The following BRAF variants were observed in gnomAD, a reference collection of about 807,000 sequenced individuals.
The protein encoded by BRAF is serine/threonine-protein kinase B-raf.
A neutral mutation model predicts 104.6 loss-of-function variants in BRAF; 16 were observed. The observed-to-expected ratio is 0.15, with a 90% confidence interval of 0.10 to 0.23. The LOEUF (loss-of-function observed/expected upper bound fraction) is 0.23. BRAF is among the 10% of genes least tolerant of loss of function. The probability of loss-of-function intolerance (pLI) is 1.00; values close to 1 mark genes in which losing one functional copy is unlikely to be tolerated. For missense variants in BRAF, 541 were observed against 937.3 expected (o/e 0.58, Z 5.52); for synonymous variants, 310 against 341.6 (o/e 0.91, Z 1.02).
chr7:140,769,770 G>A (rs951670348), intron 14 of BRAF, among the ~76,000 whole-genome samples: 1 of 151,690 alleles, frequency 6.6e-6, no homozygotes, highest in Non-Finnish European at 1.5e-5. Context: ...AGTCAGGGTC[G>A]CACAGTGTCA....
intron 1 of BRAF, among the ~76,000 whole-genome samples, chr7:140,895,796 T>C (rs1242316920): frequency 6.6e-6 from 1 of 152,240 alleles, no homozygotes; most frequent in Admixed American, 6.5e-5. Flanking sequence ...CATCGGATGC[T>C]ATACAACCAC....
chr7:140,734,776 AAAAAAAAAAGAAAAAAAAAAG>A lies in BRAF; in HGVS notation c.2248-27_2248-7del, dbSNP rs754390169. On this transcript the variant is annotated splice_region_variant and splice_polypyrimidine_tract_variant and intron_variant, in intron 18 of 19. Coordinates refer to ENST00000644969, the MANE Select transcript of BRAF (RefSeq NM_001374258.1). ...AGCTCAATAGAGGCGAGAATCTACA[AAAAAAAAAAGAAAAAAAAAAG>A]AAAAAAAAAGAAAAAAGAAAAAAAA... is the stretch of plus-strand genomic sequence containing the variant. 2.0e-6 allele frequency: 3 copies of A among 1,478,624 alleles called. No homozygotes were observed. Among genetic ancestry groups the A allele is most frequent in the Non-Finnish European group, 2.7e-6 (3 of 1,121,410 alleles). The allele number at this position is 1,478,624 out of a possible 1,614,324, so 91.6% of individuals were successfully genotyped here. A position where few individuals can be genotyped will look rare whatever the true frequency, so the allele number is the denominator to read the frequency against.
chr7:140,739,976 C>T (rs1796773098), intron 17 of BRAF, 30 bp from the exon 17 acceptor site: 3 of 1,606,736 alleles, frequency 1.9e-6, no homozygotes, highest in Non-Finnish European at 2.6e-6. Context: ...GGAAATAATT[C>T]AACCTTGTAG....
At chr7:140,844,799 G>T (rs1303720837) in intron 2 of BRAF, among the ~76,000 whole-genome samples, 1 of 152,044 alleles carries the variant, frequency 6.6e-6, no homozygotes, top group Non-Finnish European at 1.5e-5. Flanking sequence ...GCAGGTGCCT[G>T]TAATCCCAGC....
At chr7:140,767,079 C>T (rs1053043957) in intron 14 of BRAF, among the ~76,000 whole-genome samples, 3 of 152,148 alleles carry the variant, frequency 2.0e-5, no homozygotes, top group African/African-American at 7.2e-5. Flanking sequence ...TCTTGACTCT[C>T]TGCAGCCTCA....
intron 16 of BRAF, among the ~76,000 whole-genome samples, chr7:140,750,884 C>A (rs1002181826): frequency 6.6e-6 from 1 of 152,038 alleles, no homozygotes; most frequent in Non-Finnish European, 1.5e-5. Context: ...CATGACGAAT[C>A]TTCAATTTAG....
chr7:140,892,811 T>C (rs567792071), intron 1 of BRAF, among the ~76,000 whole-genome samples: 1 of 152,202 alleles, frequency 6.6e-6, no homozygotes, highest in African/African-American at 2.4e-5. Context: ...AACAAAACAA[T>C]ACATCAGATC....
Position 140,779,571 on chromosome 7 carries a change from G to A in BRAF, c.1553-1496C>T, listed in dbSNP as rs578190272. On this transcript the variant is annotated intron_variant, in intron 12 of 19. Transcript: ENST00000644969. ...AAATCCTCCAATAAGCATTTCCTTTGAGCATCATGTCAGCACTCAGAAAGT... is the reference window on the plus strand; with the variant it reads ...AAATCCTCCAATAAGCATTTCCTTTAAGCATCATGTCAGCACTCAGAAAGT... Among the ~76,000 whole-genome samples the A allele has an allele frequency of 1.5e-4, 23 of 152,246 alleles. No individual in the cohort carries two copies. In the South Asian group the frequency reaches 3.7e-3, roughly 25 times the overall value.
chr7:140,750,031 C>A (rs1017047167), intron 16 of BRAF, among the ~76,000 whole-genome samples: 3 of 152,162 alleles, frequency 2.0e-5, no homozygotes, highest in Non-Finnish European at 4.4e-5. Context: ...TATAAAGAAT[C>A]TTCTGGCTGC....
intron 1 of BRAF, among the ~76,000 whole-genome samples, chr7:140,880,198 C>T (rs1378785529): frequency 6.6e-6 from 1 of 152,194 alleles, no homozygotes; most frequent in Non-Finnish European, 1.5e-5. Flanking sequence ...GCTTCATCAA[C>T]TAATTTTATG....
chr7:140,728,952 A>AC (rs1007573767), intron 19 of BRAF, among the ~76,000 whole-genome samples: 7 of 151,996 alleles, frequency 4.6e-5, no homozygotes, highest in Admixed American at 6.6e-5. Context: ...AAGGTTGGGC[A>AC]CAGTGGTTCA....
intron 8 of BRAF, among the ~76,000 whole-genome samples, 199 bp downstream of exon 8, chr7:140,794,109 C>T (rs1468193181): frequency 1.3e-5 from 2 of 152,076 alleles, no homozygotes; most frequent in Non-Finnish European, 2.9e-5. Flanking sequence ...ACTGTATAAC[C>T]TGGAGTCAGT....
At chr7:140,791,469 CAG>C (rs956802383) in intron 8 of BRAF, among the ~76,000 whole-genome samples, 12 of 152,190 alleles carry the variant, frequency 7.9e-5, no homozygotes, top group Non-Finnish European at 7.4e-5. Context: ...ATAAAGGAGA[CAG>C]AGAGTCTCTG....
rs1348239861 is a variant in BRAF at position 140,725,306 on chromosome 7, T to G, written c.*1188A>C. On this transcript the variant is annotated 3_prime_UTR_variant, in exon 20 of 20. Transcript: ENST00000644969. Reference sequence around the variant, plus strand: ...ACCATTAATTGAAAAATTATAAATATTTGTCATTATGCTAAGACTCCTCAT... The same window carrying G: ...ACCATTAATTGAAAAATTATAAATAGTTGTCATTATGCTAAGACTCCTCAT... 9.7e-6 allele frequency: 10 copies of G among 1,030,902 alleles called. No individual in the cohort carries two copies. The highest frequency in any genetic ancestry group is 1.2e-5 in the Non-Finnish European group (10 of 854,142). 63.9% of individuals were successfully genotyped at this position (1,030,902 alleles called of 1,614,324 possible). A position where few individuals can be genotyped will look rare whatever the true frequency, so the allele number is the denominator to read the frequency against.
chr7:140,764,906 T>C (rs1348592463), intron 14 of BRAF, among the ~76,000 whole-genome samples: 5 of 152,136 alleles, frequency 3.3e-5, no homozygotes, highest in African/African-American at 1.2e-4. Flanking sequence ...GCCATCCCCA[T>C]CAAGCTACCA....
chr7:140,922,446 T>C (rs1818329740), intron 1 of BRAF, among the ~76,000 whole-genome samples: 1 of 152,210 alleles, frequency 6.6e-6, no homozygotes. Flanking sequence ...AGATTTTACT[T>C]CACAAAAGCC....
chr7:140,894,701 A>G (rs1586574996), intron 1 of BRAF, among the ~76,000 whole-genome samples: 1 of 152,162 alleles, frequency 6.6e-6, no homozygotes, highest in Non-Finnish European at 1.5e-5. Flanking sequence ...TAAGAGACAA[A>G]GCCCCCAAAG....
intron 2 of BRAF, among the ~76,000 whole-genome samples, chr7:140,839,138 G>A (rs1199001842): frequency 6.6e-6 from 1 of 151,834 alleles, no homozygotes; most frequent in Non-Finnish European, 1.5e-5. Context: ...TCCACACACA[G>A]AAGAATGAAG....
At chr7:140,883,098 G>A (rs1246384110) in intron 1 of BRAF, among the ~76,000 whole-genome samples, 1 of 152,008 alleles carries the variant, frequency 6.6e-6, no homozygotes, top group East Asian at 1.9e-4. Context: ...ATTTTCCTAT[G>A]GCTTTCTGCT....
Sources: gnomAD v4.1 joint callset for allele counts (sites outside exome capture counted in the v4.1 genomes callset) on GRCh38, gnomAD v4.1.1 for gene constraint, MANE v1.5 for transcripts, NCBI Gene and HGNC (gene_info 2026-07-23, HGNC 2026-07-21) for gene names.